Variants in RGS7 observed in about 807,000 individuals in gnomAD.
RGS7 encodes the protein regulator of G-protein signaling 7.
RGS7 carries 27 observed loss-of-function variants against 81.1 expected under a neutral mutation model. The ratio of observed to expected loss-of-function variants is 0.33; its 90% CI spans 0.25 to 0.46. The LOEUF (loss-of-function observed/expected upper bound fraction) is 0.46. RGS7 is among the 20% of genes least tolerant of loss of function. The pLI is 1.00. For synonymous variants in RGS7, 208 were observed against 207.7 expected (o/e 1.00, Z -0.01); for missense variants, 396 against 607.4 (o/e 0.65, Z 3.66).
chr1:240,808,247 G>A (rs1330005559), intron 14 of RGS7, among the ~76,000 whole-genome samples: 2 of 152,116 alleles, frequency 1.3e-5, no homozygotes, highest in African/African-American at 4.8e-5. Flanking sequence ...GGAAGAGAAC[G>A]AACTAGACGG....
chr1:240,879,649 T>C (rs1666054071), intron 6 of RGS7, among the ~76,000 whole-genome samples: 1 of 152,218 alleles, frequency 6.6e-6, no homozygotes, highest in South Asian at 2.1e-4. Flanking sequence ...ACTCCGTTAG[T>C]GGCCATGCTC....
Position 240,802,890 on chromosome 1 carries a change from C to CA in RGS7, c.1359+13dup. 3 of 1,573,136 alleles carry CA rather than the reference C, an allele frequency of 1.9e-6. No homozygotes were observed. The highest frequency in any genetic ancestry group is 1.7e-6 in the Non-Finnish European group (2 of 1,143,108). ...AACTAGGCCAAGAAAAAACAACTCA[C>CA]AAAAAACCAGTACCTTTTTCTTTGC... On this transcript the variant is annotated intron_variant, in intron 16 of 18. Transcript: ENST00000440928.
intron 2 of RGS7, among the ~76,000 whole-genome samples, chr1:241,168,539 A>G (rs1469196891): frequency 6.6e-6 from 1 of 152,122 alleles, no homozygotes; most frequent in Non-Finnish European, 1.5e-5. Context: ...TGCTTTCAAC[A>G]AGAGAATATG....
At chr1:240,866,377 G>A (rs1163268275) in intron 9 of RGS7, among the ~76,000 whole-genome samples, 2 of 152,126 alleles carry the variant, frequency 1.3e-5, no homozygotes, top group South Asian at 2.1e-4. Flanking sequence ...CAGGCATGGC[G>A]GTGGGCACCT....
At chr1:241,080,881 G>T (rs1456634637) in intron 3 of RGS7, among the ~76,000 whole-genome samples, 1 of 152,162 alleles carries the variant, frequency 6.6e-6, no homozygotes, top group African/African-American at 2.4e-5. Flanking sequence ...TGTGAAGTCT[G>T]CCTGAAGACT....
At chr1:240,864,344 A>G (rs1182896226) in intron 9 of RGS7, among the ~76,000 whole-genome samples, 2 of 152,204 alleles carry the variant, frequency 1.3e-5, no homozygotes, top group Non-Finnish European at 2.9e-5. Flanking sequence ...TTCAGATTCA[A>G]CTTTTGAAGG....
At chr1:240,933,095 G>A (rs1202363372) in intron 5 of RGS7, among the ~76,000 whole-genome samples, 1 of 149,946 alleles carries the variant, frequency 6.7e-6, no homozygotes, top group Admixed American at 6.6e-5. Context: ...TGTTAGCCAG[G>A]ATGGTCTCCA....
chr1:241,065,057 T>C (rs2061980110), intron 3 of RGS7, among the ~76,000 whole-genome samples: 1 of 152,122 alleles, frequency 6.6e-6, no homozygotes, highest in African/African-American at 2.4e-5. Flanking sequence ...CCATGGATTT[T>C]AGAATCGGGA....
chr1:241,052,293 C>T lies in RGS7; in HGVS notation c.175+46373G>A, dbSNP rs543967995. ...CAGAAGCCCAGCAGAAGGCTGCAAG[C>T]GATCAAGGTTGTTAAGGAGAAAAGA... On this transcript the variant is annotated intron_variant, in intron 3 of 18. Transcript: ENST00000440928. 5.9e-5 allele frequency among the ~76,000 whole-genome samples: 9 copies of T among 152,068 alleles called. No individual in the cohort carries two copies. In the South Asian group the frequency reaches 1.5e-3, roughly 25 times the overall value.
chr1:240,824,920 C>T (rs1443122097), intron 10 of RGS7, among the ~76,000 whole-genome samples: 2 of 152,034 alleles, frequency 1.3e-5, no homozygotes, highest in African/African-American at 2.4e-5. Flanking sequence ...ACTGAGGACA[C>T]GAGAAGAAGG....
At chr1:240,968,741 G>A (rs1682742028) in intron 4 of RGS7, among the ~76,000 whole-genome samples, 1 of 152,060 alleles carries the variant, frequency 6.6e-6, no homozygotes, top group Admixed American at 6.5e-5. Context: ...TGAAGAGATG[G>A]ATATGTTCCT....
chr1:241,124,790 G>A (rs1275074206), intron 2 of RGS7, among the ~76,000 whole-genome samples: 1 of 152,180 alleles, frequency 6.6e-6, no homozygotes, highest in Non-Finnish European at 1.5e-5. Flanking sequence ...CATATCTCGG[G>A]ACCTCCCAGG....
At chr1:241,068,525 G>A (rs1221982571) in intron 3 of RGS7, among the ~76,000 whole-genome samples, 1 of 151,828 alleles carries the variant, frequency 6.6e-6, no homozygotes, top group Non-Finnish European at 1.5e-5. Flanking sequence ...CTGCAGATGA[G>A]GAAACAGAAG....
chr1:240,822,801 T>A (rs1324899450), intron 10 of RGS7, among the ~76,000 whole-genome samples: 1 of 152,370 alleles, frequency 6.6e-6, no homozygotes, highest in African/African-American at 2.4e-5. Flanking sequence ...TATGATACGA[T>A]GGCCTTAATT....
At chr1:241,098,425 T>C (rs1436341193) in intron 3 of RGS7, among the ~76,000 whole-genome samples, 5 of 152,256 alleles carry the variant, frequency 3.3e-5, no homozygotes, top group African/African-American at 1.2e-4. Flanking sequence ...TAATATTGTT[T>C]TACTTCGCAT....
intron 3 of RGS7, among the ~76,000 whole-genome samples, chr1:241,052,846 TGTATAGCTGAG>T (rs1160621661): frequency 6.6e-6 from 1 of 152,078 alleles, no homozygotes; most frequent in African/African-American, 2.4e-5. Context: ...AGAAAGCAGC[TGTATAGCTGAG>T]CTTAAATGTA....
intron 6 of RGS7, among the ~76,000 whole-genome samples, chr1:240,916,807 G>T (rs1672693998): frequency 6.6e-6 from 1 of 152,170 alleles, no homozygotes; most frequent in Non-Finnish European, 1.5e-5. Flanking sequence ...ATTTATTGAT[G>T]AGATAATAAA....
chr1:241,270,175 C>CCATTTAT (rs2077799206), intron 2 of RGS7, among the ~76,000 whole-genome samples: 1 of 152,162 alleles, frequency 6.6e-6, no homozygotes, highest in Non-Finnish European at 1.5e-5. Context: ...CAATGCTGGC[C>CCATTTAT]CCTGCATCCC....
At chr1:241,071,441 T>C (rs1275330376) in intron 3 of RGS7, among the ~76,000 whole-genome samples, 1 of 151,454 alleles carries the variant, frequency 6.6e-6, no homozygotes, top group Non-Finnish European at 1.5e-5. Flanking sequence ...AGAGAACATG[T>C]ATGAGTTCAA....
Sources: allele counts gnomAD v4.1 joint callset (sites outside exome capture counted in the v4.1 genomes callset), GRCh38; gene constraint gnomAD v4.1.1; transcripts MANE v1.5; gene names NCBI Gene and HGNC (gene_info 2026-07-23, HGNC 2026-07-21).